The following TBC1D22A variants were observed in gnomAD, a reference collection of about 807,000 sequenced individuals.
The protein encoded by TBC1D22A is TBC1 domain family member 22A.
Under a neutral mutation model 60.2 loss-of-function variants are expected in TBC1D22A, and 38 were observed. That is an observed-to-expected ratio of 0.63 (90% CI 0.49 to 0.83). TBC1D22A has a LOEUF of 0.83. Among genes scored for constraint, TBC1D22A ranks in the 40% least tolerant of loss-of-function variants. TBC1D22A has a pLI of 0.00. For synonymous variants in TBC1D22A, 302 were observed against 281.7 expected (o/e 1.07, Z -0.72); for missense variants, 628 against 701.0 (o/e 0.90, Z 1.18).
chr22:47,033,641 G>C (rs1258594230), intron 10 of TBC1D22A, among the ~76,000 whole-genome samples: 2 of 152,290 alleles, frequency 1.3e-5, no homozygotes. Flanking sequence ...CGAAGAAGAG[G>C]GGGAGGCTCA....
chr22:47,096,953 G>A (rs775574040), intron 11 of TBC1D22A, among the ~76,000 whole-genome samples: 2 of 151,752 alleles, frequency 1.3e-5, no homozygotes, highest in Non-Finnish European at 2.9e-5. Context: ...ATTCTTCCAC[G>A]TGGATAGCCA....
chr22:46,860,895 C>T (rs964876081), intron 4 of TBC1D22A, among the ~76,000 whole-genome samples: 54 of 152,230 alleles, frequency 3.5e-4, no homozygotes, highest in African/African-American at 1.3e-3. Flanking sequence ...AGAAGGTGCA[C>T]ATCAGCTTCC....
intron 11 of TBC1D22A, among the ~76,000 whole-genome samples, chr22:47,044,053 G>A (rs1247407610): frequency 5.8e-5 from 4 of 68,806 alleles, no homozygotes; most frequent in Non-Finnish European, 2.8e-5. Flanking sequence ...AGGCAGCTGG[G>A]CACTGGGGTG....
chr22:47,152,756 G>A (rs2067554427), intron 12 of TBC1D22A, among the ~76,000 whole-genome samples: 1 of 152,220 alleles, frequency 6.6e-6, no homozygotes, highest in South Asian at 2.1e-4. Flanking sequence ...CGGGCACGGG[G>A]CCTCTGAGAG....
At chr22:47,062,728 A>G (rs2063621187) in intron 11 of TBC1D22A, among the ~76,000 whole-genome samples, 1 of 152,176 alleles carries the variant, frequency 6.6e-6, no homozygotes, top group Admixed American at 6.5e-5. Flanking sequence ...CTCTGCACAA[A>G]CTGCGTATCT....
At position 47,105,775 on chromosome 22, in the gene TBC1D22A, A is replaced by G. The variant is rs1189855255; in HGVS notation, c.1330-5733A>G. 1.3e-5 allele frequency among the ~76,000 whole-genome samples: 2 copies of G among 152,100 alleles called. 1 individual carries two copies. The highest frequency in any genetic ancestry group is 2.9e-5 in the Non-Finnish European group (2 of 68,002). ...TTCCCACCCCCCCACTCCCCAAAGA[A>G]AAGCCTCAAAGAATTCCAATAGATA... On this transcript the variant is annotated intron_variant, in intron 11 of 12. Transcript: ENST00000337137.
chr22:46,912,276 A>T, intron 8 of TBC1D22A, 88 bp downstream of exon 8: 10 of 957,324 alleles, frequency 1.0e-5, no homozygotes. Flanking sequence ...GAAAATTGCT[A>T]CTAAGTGTAA....
chr22:46,959,031 A>G (rs1469207110), intron 8 of TBC1D22A, among the ~76,000 whole-genome samples: 1 of 152,122 alleles, frequency 6.6e-6, no homozygotes, highest in African/African-American at 2.4e-5. Flanking sequence ...GCTGTCGCTC[A>G]CTGAGGTGGC....
chr22:46,825,393 T>C (rs2086010535), intron 4 of TBC1D22A, among the ~76,000 whole-genome samples: 1 of 152,210 alleles, frequency 6.6e-6, no homozygotes, highest in Non-Finnish European at 1.5e-5. Context: ...CCCGTCTCCC[T>C]TTACCAGGAG....
At chr22:47,132,872 C>G (rs1015211492) in intron 12 of TBC1D22A, among the ~76,000 whole-genome samples, 9 of 152,244 alleles carry the variant, frequency 5.9e-5, no homozygotes, top group Non-Finnish European at 1.3e-4. Context: ...GAAACATAAA[C>G]TGAGCCATTG....
chr22:46,890,711 A>C (rs913953749), intron 5 of TBC1D22A, among the ~76,000 whole-genome samples: 1 of 152,214 alleles, frequency 6.6e-6, no homozygotes, highest in Non-Finnish European at 1.5e-5. Flanking sequence ...TCTGACTTCA[A>C]GTCCCCTTTA....
chr22:47,073,032 G>A (rs2064067539), intron 11 of TBC1D22A, among the ~76,000 whole-genome samples: 1 of 152,180 alleles, frequency 6.6e-6, no homozygotes, highest in Non-Finnish European at 1.5e-5. Flanking sequence ...CTTTCTTTTG[G>A]GGCTGGAATA....
intron 4 of TBC1D22A, among the ~76,000 whole-genome samples, chr22:46,861,658 G>A (rs942797072): frequency 2.0e-5 from 3 of 152,248 alleles, no homozygotes; most frequent in East Asian, 1.9e-4. Flanking sequence ...CACCTCCCAG[G>A]AGGGGGAGGA....
intron 4 of TBC1D22A, among the ~76,000 whole-genome samples, chr22:46,810,454 A>AAAT (rs145865429): frequency 8.6e-5 from 13 of 151,658 alleles, no homozygotes; most frequent in Non-Finnish European, 1.6e-4. Flanking sequence ...AAAAAAAAAA[A>AAAT]GTATATATTT....
chr22:47,160,872 C>A (rs940777167), intron 12 of TBC1D22A, among the ~76,000 whole-genome samples: 6 of 152,180 alleles, frequency 3.9e-5, no homozygotes, highest in Non-Finnish European at 5.9e-5. Flanking sequence ...TCTTCAGGAC[C>A]CGCAGGCGCT....
At chr22:47,038,693 G>GTCC (rs2062737076) in intron 11 of TBC1D22A, among the ~76,000 whole-genome samples, 2 of 152,340 alleles carry the variant, frequency 1.3e-5, no homozygotes, top group African/African-American at 2.4e-5. Flanking sequence ...TGGCTCTGAA[G>GTCC]TCCTGTATTC....
At chr22:46,974,032 AAT>A (rs997716752) in intron 8 of TBC1D22A, among the ~76,000 whole-genome samples, 1 of 152,232 alleles carries the variant, frequency 6.6e-6, no homozygotes, top group African/African-American at 2.4e-5. Flanking sequence ...CCTGAGAAGC[AAT>A]AGTTTATAAT....
chr22:46,766,782 C>T (rs1445098094), intron 1 of TBC1D22A, among the ~76,000 whole-genome samples: 2 of 151,852 alleles, frequency 1.3e-5, no homozygotes, highest in Non-Finnish European at 2.9e-5. Context: ...ATGATCCGCC[C>T]GCCTTGGCCT....
At chr22:47,043,401 C>G (rs1213798501) in intron 11 of TBC1D22A, among the ~76,000 whole-genome samples, 4 of 152,170 alleles carry the variant, frequency 2.6e-5, no homozygotes, top group Non-Finnish European at 5.9e-5. Context: ...GCTGGAGAGG[C>G]TCAGCACACC....
Sources: gnomAD v4.1 joint callset for allele counts (sites outside exome capture counted in the v4.1 genomes callset) on GRCh38, gnomAD v4.1.1 for gene constraint, MANE v1.5 for transcripts, NCBI Gene and HGNC (gene_info 2026-07-23, HGNC 2026-07-21) for gene names.